TMEM135: variants seen among roughly 807,000 people sequenced by gnomAD.
The protein encoded by TMEM135 is transmembrane protein 135, also known as peroxisomal membrane protein 52.
TMEM135 carries 30 observed loss-of-function variants against 60.3 expected under a neutral mutation model. The observed-to-expected ratio is 0.50, with a 90% confidence interval of 0.37 to 0.68. The LOEUF (loss-of-function observed/expected upper bound fraction) is 0.68, where lower values mean the gene tolerates loss of function less well. TMEM135 is among the 30% of genes least tolerant of loss of function. The pLI is 0.00. For missense variants in TMEM135, 468 were observed against 548.8 expected (o/e 0.85, Z 1.47); for synonymous variants, 190 against 186.7 (o/e 1.02, Z -0.14).
chr11:87,088,521 G>A (rs112893143), intron 3 of TMEM135, among the ~76,000 whole-genome samples: 1 of 152,006 alleles, frequency 6.6e-6, no homozygotes, highest in Non-Finnish European at 1.5e-5. Context: ...TAGCTCAAGA[G>A]AAAAACTTCC....
chr11:87,283,953 G>GA (rs533067563), intron 6 of TMEM135, among the ~76,000 whole-genome samples: 18 of 134,736 alleles, frequency 1.3e-4, no homozygotes, highest in African/African-American at 4.2e-4. Flanking sequence ...TTGTAGAAGG[G>GA]AAAAAACTGA....
At chr11:87,310,648 G>A in intron 10 of TMEM135, among the ~76,000 whole-genome samples, 1 of 149,924 alleles carries the variant, frequency 6.7e-6, no homozygotes, top group Non-Finnish European at 1.5e-5. Context: ...AAGGAGATTA[G>A]AACATATACA....
At chr11:87,211,213 G>C (rs1347048797) in intron 5 of TMEM135, among the ~76,000 whole-genome samples, 2 of 152,148 alleles carry the variant, frequency 1.3e-5, no homozygotes, top group Non-Finnish European at 2.9e-5. Context: ...GTACTTTATA[G>C]AATAACACAC....
intron 6 of TMEM135, among the ~76,000 whole-genome samples, chr11:87,261,853 G>A (rs980987518): frequency 2.0e-5 from 3 of 152,146 alleles, no homozygotes; most frequent in Admixed American, 6.5e-5. Context: ...TAGAACTCTT[G>A]GGTTCAAGGA....
intron 1 of TMEM135, among the ~76,000 whole-genome samples, chr11:87,045,456 A>T (rs1288884644): frequency 3.3e-5 from 5 of 151,412 alleles, no homozygotes; most frequent in Non-Finnish European, 5.9e-5. Context: ...ACACTTTCTC[A>T]ACTCACTGTT....
intron 5 of TMEM135, among the ~76,000 whole-genome samples, chr11:87,174,776 G>A (rs1236591196): frequency 1.3e-5 from 2 of 152,084 alleles, no homozygotes; most frequent in African/African-American, 4.8e-5. Flanking sequence ...ATGCCCTTTT[G>A]TTATAACATT....
At chr11:87,149,032 TTGTGTGTGTG>T (rs553840798) in intron 4 of TMEM135, among the ~76,000 whole-genome samples, 3 of 143,594 alleles carry the variant, frequency 2.1e-5, no homozygotes, top group Non-Finnish European at 4.6e-5. Context: ...CCCCATACCT[TTGTGTGTGTG>T]TGTGTGTGTG....
At chr11:87,250,907 G>A (rs1225326694) in intron 6 of TMEM135, among the ~76,000 whole-genome samples, 7 of 152,152 alleles carry the variant, frequency 4.6e-5, no homozygotes, top group Non-Finnish European at 1.5e-5. Context: ...AATAGGGGAT[G>A]CTCTTGCAGT....
At chr11:87,070,320 A>T (rs1531145) in intron 2 of TMEM135, among the ~76,000 whole-genome samples, 69,750 of 151,802 alleles carry the variant, frequency 0.46, 16,937 homozygotes, top group East Asian at 0.64. Flanking sequence ...GTTTTCAAGG[A>T]AAAAAAACTT....
chr11:87,284,472 C>T (rs1283149414), intron 6 of TMEM135, among the ~76,000 whole-genome samples: 1 of 152,124 alleles, frequency 6.6e-6, no homozygotes, highest in Admixed American at 6.5e-5. Context: ...AAGTTTTAGT[C>T]CAACTGTTTC....
At chr11:87,318,766 G>T (rs1409533302) in intron 13 of TMEM135, among the ~76,000 whole-genome samples, 1 of 151,814 alleles carries the variant, frequency 6.6e-6, no homozygotes, top group Non-Finnish European at 1.5e-5. Flanking sequence ...ATAAAATGCT[G>T]CCAGCTTGAA....
At chr11:87,118,795 A>T (rs755018255) in intron 4 of TMEM135, among the ~76,000 whole-genome samples, 1 of 152,194 alleles carries the variant, frequency 6.6e-6, no homozygotes, top group South Asian at 2.1e-4. Context: ...TTTTTATGTT[A>T]TGGAGATAGC....
chr11:87,189,914 T>G (rs987312485), intron 5 of TMEM135, among the ~76,000 whole-genome samples: 2 of 152,150 alleles, frequency 1.3e-5, no homozygotes, highest in South Asian at 4.1e-4. Flanking sequence ...AGATCCTGTC[T>G]CATAATGAAT....
At chr11:87,158,464 ATTT>A (rs60730766) in intron 5 of TMEM135, among the ~76,000 whole-genome samples, 1 of 140,576 alleles carries the variant, frequency 7.1e-6, no homozygotes. Context: ...CCTTGGTATA[ATTT>A]TTTTTTTTTT....
intron 5 of TMEM135, chr11:87,157,969 C>T (rs573231916): frequency 6.5e-6 from 1 of 152,918 alleles, no homozygotes; most frequent in South Asian, 2.1e-4. Context: ...TTGATTACCA[C>T]TTTGTCTGCT....
chr11:87,308,049 T>C (rs1942581313), intron 9 of TMEM135, among the ~76,000 whole-genome samples: 1 of 152,210 alleles, frequency 6.6e-6, no homozygotes, highest in Non-Finnish European at 1.5e-5. Context: ...ATGTCTATCC[T>C]AGTGTCTTGA....
At chr11:87,074,092 A>T (rs1356826344) in intron 3 of TMEM135, among the ~76,000 whole-genome samples, 1 of 150,344 alleles carries the variant, frequency 6.7e-6, no homozygotes, top group Non-Finnish European at 1.5e-5. Flanking sequence ...CAGCCTCCCA[A>T]GTAGCTGGGA....
Position 87,236,647 on chromosome 11 carries a change from T to C in TMEM135, c.472T>C (p.Phe158Leu). The C allele has an allele frequency of 2.0e-5, 32 of 1,612,468 alleles. No individual in the cohort carries two copies. Among genetic ancestry groups the C allele is most frequent in the Non-Finnish European group, 2.7e-5 (32 of 1,179,008 alleles). The change falls in exon 6 of 15, where the codon TTT (phenylalanine) becomes CTT (leucine). Residue 158 changes from phenylalanine to leucine, a missense_variant. Transcript: ENST00000305494. The stretch of plus-strand genomic sequence containing the variant: ...TTTCTCTTTGTTACAGGTCCTTTTG[T>C]TTTGCATCACAGCTGCCATGTACAT... ...TTLRNGEVLLFCITAAMYMFF... is the reference protein window; with the variant it reads ...TTLRNGEVLLLCITAAMYMFF...
At chr11:87,145,157 G>A (rs983913612) in intron 4 of TMEM135, among the ~76,000 whole-genome samples, 2 of 151,988 alleles carry the variant, frequency 1.3e-5, no homozygotes, top group African/African-American at 2.4e-5. Flanking sequence ...TTCTGCTATG[G>A]GTTTCACATA....
Sources: allele counts gnomAD v4.1 joint callset (sites outside exome capture counted in the v4.1 genomes callset), GRCh38; gene constraint gnomAD v4.1.1; transcripts MANE v1.5; gene names NCBI Gene and HGNC (gene_info 2026-07-23, HGNC 2026-07-21).